SLC9A9: variants seen among roughly 807,000 people sequenced by gnomAD.
SLC9A9 encodes the protein solute carrier family 9 member A9, also known as sodium/hydrogen exchanger 9.
In SLC9A9, 62 loss-of-function variants were observed where a neutral mutation model predicts 77.8. That is an observed-to-expected ratio of 0.80 (90% confidence interval 0.65 to 0.98). The LOEUF is 0.98. Among genes scored for constraint, SLC9A9 ranks in the 50% least tolerant of loss-of-function variants. The probability of loss-of-function intolerance (pLI) is 0.00; values close to 1 mark genes in which losing one functional copy is unlikely to be tolerated. For missense variants in SLC9A9, 775 were observed against 774.9 expected, an observed-to-expected ratio of 1.00 and a Z score of 0.00; for synonymous variants, 320 against 283.5, an observed-to-expected ratio of 1.13 and a Z score of -1.29.
chr3:143,752,797 A>T (rs560996490), intron 4 of SLC9A9, among the ~76,000 whole-genome samples: 1 of 152,080 alleles, frequency 6.6e-6, no homozygotes, highest in African/African-American at 2.4e-5. Flanking sequence ...AAAATGGGAG[A>T]TAAGCTTTGC....
intron 9 of SLC9A9, among the ~76,000 whole-genome samples, chr3:143,518,654 C>A (rs947838990): frequency 1.3e-5 from 2 of 152,184 alleles, no homozygotes; most frequent in Non-Finnish European, 2.9e-5. Context: ...TGAAATAATG[C>A]TGCATATATT....
At chr3:143,336,572 A>G (rs2031930709) in intron 14 of SLC9A9, among the ~76,000 whole-genome samples, 1 of 152,208 alleles carries the variant, frequency 6.6e-6, no homozygotes, top group Non-Finnish European at 1.5e-5. Context: ...TTTAAAAAGG[A>G]CAGAAATTCT....
At chr3:143,503,022 C>A (rs529039251) in intron 9 of SLC9A9, among the ~76,000 whole-genome samples, 2 of 152,170 alleles carry the variant, frequency 1.3e-5, no homozygotes, top group East Asian at 3.8e-4. Context: ...ACAATAAATG[C>A]TATTGAAATG....
chr3:143,522,007 C>T (rs1576551381), intron 9 of SLC9A9, among the ~76,000 whole-genome samples: 1 of 152,228 alleles, frequency 6.6e-6, no homozygotes, highest in East Asian at 1.9e-4. Flanking sequence ...TTGGCTGAGA[C>T]TGTGGTCTTC....
At chr3:143,841,839 C>T (rs945171403) in intron 1 of SLC9A9, among the ~76,000 whole-genome samples, 52 of 152,018 alleles carry the variant, frequency 3.4e-4, no homozygotes, top group Non-Finnish European at 2.8e-4. Context: ...CTGCAACCTC[C>T]GCATCCTGAG....
rs2034368925 is a variant in SLC9A9, at chr3:143,424,523, T to C, written c.1470-42409A>G. Among the ~76,000 whole-genome samples, 2 of 151,866 alleles carry C rather than the reference T, an allele frequency of 1.3e-5. 1 individual carries two copies. Among genetic ancestry groups the C allele is most frequent in the South Asian group, 4.2e-4 (2 of 4,808 alleles). On this transcript the variant is annotated intron_variant, in intron 12 of 15. Transcript: ENST00000316549. ...CAATCTCCTGACCTCATGATCCACC[T>C]GCCTCCGCCTCCCCAAGTGCTGGGT...
chr3:143,311,066 T>G (rs1488175440), intron 14 of SLC9A9, among the ~76,000 whole-genome samples: 8 of 152,186 alleles, frequency 5.3e-5, no homozygotes, highest in Non-Finnish European at 1.5e-5. Context: ...CCCATCCACG[T>G]CAACCAAGAC....
At chr3:143,714,540 G>A (rs1230372022) in intron 4 of SLC9A9, among the ~76,000 whole-genome samples, 5 of 152,184 alleles carry the variant, frequency 3.3e-5, no homozygotes, top group Non-Finnish European at 7.3e-5. Flanking sequence ...CCACCAATGT[G>A]TAGCCAGAAT....
chr3:143,475,198 ACT>A (rs2035453852), intron 11 of SLC9A9, among the ~76,000 whole-genome samples: 1 of 144,548 alleles, frequency 6.9e-6, no homozygotes, highest in Non-Finnish European at 1.5e-5. Context: ...CGATTTCCTG[ACT>A]CTGTGATCTA....
At chr3:143,485,132 C>T (rs1282928285) in intron 11 of SLC9A9, among the ~76,000 whole-genome samples, 5 of 152,218 alleles carry the variant, frequency 3.3e-5, no homozygotes, top group African/African-American at 1.2e-4. Flanking sequence ...GCCAAGTGTT[C>T]CTGGAGCAGC....
chr3:143,474,903 A>C (rs1050567060), intron 11 of SLC9A9, among the ~76,000 whole-genome samples: 5 of 151,136 alleles, frequency 3.3e-5, no homozygotes, highest in African/African-American at 1.2e-4. Context: ...CCATCATCTC[A>C]GTCCTCAGAA....
At chr3:143,683,428 A>G (rs1217878442) in intron 5 of SLC9A9, among the ~76,000 whole-genome samples, 1 of 152,182 alleles carries the variant, frequency 6.6e-6, no homozygotes, top group African/African-American at 2.4e-5. Flanking sequence ...TCTCAATAAT[A>G]GCATTTTTAA....
At chr3:143,538,049 C>T (rs1045319779) in intron 9 of SLC9A9, among the ~76,000 whole-genome samples, 1 of 152,186 alleles carries the variant, frequency 6.6e-6, no homozygotes, top group Non-Finnish European at 1.5e-5. Flanking sequence ...GGTCCATGAA[C>T]ATTCTGGAAC....
At chr3:143,585,485 A>G (rs565208604) in intron 6 of SLC9A9, among the ~76,000 whole-genome samples, 31 of 152,294 alleles carry the variant, frequency 2.0e-4, no homozygotes, top group African/African-American at 6.7e-4. Context: ...ACCAATGTAC[A>G]TCTTACACAT....
At chr3:143,587,021 C>A (rs2037551531) in intron 6 of SLC9A9, among the ~76,000 whole-genome samples, 1 of 152,148 alleles carries the variant, frequency 6.6e-6, no homozygotes, top group South Asian at 2.1e-4. Flanking sequence ...CAAATGTATA[C>A]CAGAGAGTGA....
intron 1 of SLC9A9, among the ~76,000 whole-genome samples, chr3:143,846,446 G>T (rs2009831687): frequency 6.6e-6 from 1 of 152,222 alleles, no homozygotes; most frequent in Admixed American, 6.5e-5. Flanking sequence ...CAAATGACAG[G>T]AACCTAGGGC....
intron 12 of SLC9A9, among the ~76,000 whole-genome samples, chr3:143,448,610 G>A (rs57969738): frequency 0.77 from 117,005 of 151,356 alleles, 46,404 homozygotes; most frequent in East Asian, 1. Flanking sequence ...ATTCAACCTT[G>A]TTGGAAAGCA....
At chr3:143,304,596 C>T (rs1244954705) in intron 14 of SLC9A9, among the ~76,000 whole-genome samples, 1 of 152,190 alleles carries the variant, frequency 6.6e-6, no homozygotes, top group African/African-American at 2.4e-5. Flanking sequence ...AAAAGTCCAG[C>T]CATGGCTGGC....
intron 12 of SLC9A9, among the ~76,000 whole-genome samples, chr3:143,443,855 C>T (rs2034795597): frequency 6.6e-6 from 1 of 150,846 alleles, no homozygotes; most frequent in African/African-American, 2.5e-5. Context: ...TTTTCTTGGC[C>T]AGGAAACAAA....
Sources: allele counts gnomAD v4.1 joint callset (sites outside exome capture counted in the v4.1 genomes callset), GRCh38; gene constraint gnomAD v4.1.1; transcripts MANE v1.5; gene names NCBI Gene and HGNC (gene_info 2026-07-23, HGNC 2026-07-21).